The following FAT3 variants were observed in gnomAD, a reference collection of about 807,000 sequenced individuals.
The protein encoded by FAT3 is FAT atypical cadherin 3.
FAT3 carries 95 observed loss-of-function variants against 310.2 expected under a neutral mutation model. The observed-to-expected ratio is 0.31, with a 90% CI of 0.26 to 0.36. The LOEUF is 0.36. Ranked by LOEUF, FAT3 falls within the 10% of genes least tolerant of loss-of-function variation. The pLI is 1.00. For missense variants in FAT3, 5,408 were observed against 5,715.6 expected (o/e 0.95, Z 1.74); for synonymous variants, 2,314 against 2,192.9 (o/e 1.06, Z -1.54).
At chr11:92,849,064 T>A (rs568440993) in intron 19 of FAT3, among the ~76,000 whole-genome samples, 1 of 152,176 alleles carries the variant, frequency 6.6e-6, no homozygotes, top group Non-Finnish European at 1.5e-5. Flanking sequence ...TGCATTTAAC[T>A]CTTACTATAA....
At chr11:92,364,961 A>G (rs1948977628) in intron 2 of FAT3, among the ~76,000 whole-genome samples, 2 of 152,198 alleles carry the variant, frequency 1.3e-5, no homozygotes, top group South Asian at 2.1e-4. Flanking sequence ...TTAAAAGTTG[A>G]AAGAATTAAA....
chr11:92,408,250 C>G (rs1284625310), intron 2 of FAT3: 1 of 152,128 alleles, frequency 6.6e-6, no homozygotes, highest in Non-Finnish European at 1.5e-5. Context: ...AGACCAAGAC[C>G]CCACTCTTAT....
chr11:92,272,277 G>A (rs866838292), intron 1 of FAT3, among the ~76,000 whole-genome samples: 5 of 152,208 alleles, frequency 3.3e-5, no homozygotes, highest in Middle Eastern at 6.8e-3. Context: ...TCCAAGCAGA[G>A]TAGAAATCAA....
chr11:92,653,756 G>A (rs1942471990), intron 3 of FAT3, among the ~76,000 whole-genome samples: 1 of 152,018 alleles, frequency 6.6e-6, no homozygotes, highest in Non-Finnish European at 1.5e-5. Flanking sequence ...TCTCTTCTTG[G>A]CTGCTGGAGC....
At chr11:92,828,186 C>T (rs1289739232) in intron 13 of FAT3, among the ~76,000 whole-genome samples, 1 of 151,720 alleles carries the variant, frequency 6.6e-6, no homozygotes, top group Non-Finnish European at 1.5e-5. Flanking sequence ...TTATCAAATC[C>T]CTTTGGATAA....
At chr11:92,730,643 G>C (rs1428388787) in intron 4 of FAT3, among the ~76,000 whole-genome samples, 1 of 152,110 alleles carries the variant, frequency 6.6e-6, no homozygotes, top group Non-Finnish European at 1.5e-5. Context: ...ATTTGCGCTA[G>C]AAGAAAATTT....
intron 19 of FAT3, among the ~76,000 whole-genome samples, chr11:92,853,378 G>A (rs566918316): frequency 2.0e-5 from 3 of 152,346 alleles, no homozygotes; most frequent in Admixed American, 6.5e-5. Context: ...GGAGATACCA[G>A]GAACCACAGA....
At chr11:92,759,687 A>G (rs1425079641) in intron 4 of FAT3, among the ~76,000 whole-genome samples, 1 of 152,138 alleles carries the variant, frequency 6.6e-6, no homozygotes, top group South Asian at 2.1e-4. Flanking sequence ...AGGGCTGTGC[A>G]GCTACCACAC....
At chr11:92,597,431 C>T (rs1009432691) in intron 3 of FAT3, among the ~76,000 whole-genome samples, 24 of 152,274 alleles carry the variant, frequency 1.6e-4, no homozygotes, top group African/African-American at 5.5e-4. Context: ...ATGTAAACTT[C>T]AGGCTCTGTG....
At chr11:92,282,671 A>G (rs555827581) in intron 1 of FAT3, among the ~76,000 whole-genome samples, 2 of 143,880 alleles carry the variant, frequency 1.4e-5, no homozygotes, top group South Asian at 4.4e-4. Flanking sequence ...AAAAAAAAAA[A>G]AGGATGTTGT....
intron 1 of FAT3, among the ~76,000 whole-genome samples, chr11:92,292,279 T>C (rs901251012): frequency 2.0e-5 from 3 of 152,232 alleles, no homozygotes; most frequent in African/African-American, 7.2e-5. Context: ...ACATTAAGTA[T>C]GGGCTTATCA....
intron 2 of FAT3, among the ~76,000 whole-genome samples, chr11:92,467,844 C>A (rs1245269240): frequency 6.6e-6 from 1 of 152,148 alleles, no homozygotes; most frequent in East Asian, 1.9e-4. Flanking sequence ...CTTCTTCTAT[C>A]CTGTAAGAAG....
At chr11:92,321,094 AATAAG>A in intron 1 of FAT3, among the ~76,000 whole-genome samples, 1 of 152,234 alleles carries the variant, frequency 6.6e-6, no homozygotes, top group East Asian at 1.9e-4. Flanking sequence ...GTTGGCATGA[AATAAG>A]ATAACTCTTT....
Position 92,893,911 on chromosome 11 carries a change from T to G in FAT3, c.*2798T>G, listed in dbSNP as rs1949968199. The G allele has an allele frequency of 6.6e-6, 1 of 152,218 alleles. No individual in the cohort carries two copies. Among genetic ancestry groups the G allele is most frequent in the African/African-American group, 2.4e-5 (1 of 41,458 alleles). The allele number at this position is 152,218 out of a possible 1,614,324, so 9.4% of individuals were successfully genotyped here. A position where few individuals can be genotyped will look rare whatever the true frequency, so the allele number is the denominator to read the frequency against. On this transcript the variant is annotated 3_prime_UTR_variant, in exon 28 of 28. Transcript: ENST00000525166. ...ATTTGCTAGTCCAAACTCCTTATTTTATCAAAGAGGAAACATACCCAGAGT... is the reference window on the plus strand; with the variant it reads ...ATTTGCTAGTCCAAACTCCTTATTTGATCAAAGAGGAAACATACCCAGAGT...
intron 22 of FAT3, among the ~76,000 whole-genome samples, chr11:92,876,091 C>T (rs552277029): frequency 5.3e-4 from 80 of 152,248 alleles, no homozygotes; most frequent in African/African-American, 1.8e-3. Context: ...ATTTAAGAAA[C>T]TGTCAGAGGC....
chr11:92,880,905 G>A (rs2136399786), intron 23 of FAT3, 21 bp downstream of exon 23: 1 of 1,610,272 alleles, frequency 6.2e-7, no homozygotes, highest in South Asian at 1.1e-5. Flanking sequence ...TTACATAAGT[G>A]TCTTTCTCTA....
rs770614497 is a variant in FAT3 at position 92,882,819 on chromosome 11, C to G, written c.12363C>G (p.Leu4121=). Residue 4121 remains leucine (L), a synonymous_variant, in exon 24 of 28, where the codon CTC becomes CTG. Transcript: ENST00000525166. ...GCGTGAACGTGTTCGGCTCCTTCCT[C>G]TGCAACTGCACGCCGGGCTACGTGG... ...GSCVNVFGSF[L]CNCTPGYVGQ... is the part of the protein sequence containing the mutation. The G allele has an allele frequency of 6.8e-6, 11 of 1,611,900 alleles. No individual in the cohort carries two copies. The highest frequency in any genetic ancestry group is 6.8e-6 in the Non-Finnish European group (8 of 1,179,298).
At chr11:92,600,057 T>G (rs1194550837) in intron 3 of FAT3, among the ~76,000 whole-genome samples, 2 of 152,216 alleles carry the variant, frequency 1.3e-5, no homozygotes, top group African/African-American at 4.8e-5. Flanking sequence ...CTATACATGC[T>G]CTCTTTGCAT....
intron 1 of FAT3, among the ~76,000 whole-genome samples, chr11:92,247,725 GTT>G (rs139681837): frequency 0.022 from 3,097 of 141,660 alleles, 103 homozygotes; most frequent in African/African-American, 0.072. Flanking sequence ...AGGTTCACCT[GTT>G]TTTTTTTTTT....
Sources: allele counts gnomAD v4.1 joint callset (sites outside exome capture counted in the v4.1 genomes callset), GRCh38; gene constraint gnomAD v4.1.1; transcripts MANE v1.5; gene names NCBI Gene and HGNC (gene_info 2026-07-23, HGNC 2026-07-21).